MAML2: variants seen among roughly 807,000 people sequenced by gnomAD.
MAML2 encodes mastermind like transcriptional coactivator 2, also known as mastermind-like protein 2.
A neutral mutation model predicts 96.1 loss-of-function variants in MAML2; 22 were observed. The observed-to-expected ratio is 0.23, with a 90% CI of 0.16 to 0.33. The LOEUF (loss-of-function observed/expected upper bound fraction) is 0.33. Among genes scored for constraint, MAML2 ranks in the 10% least tolerant of loss-of-function variants. The pLI is 1.00. For synonymous variants in MAML2, 561 were observed against 521.3 expected (o/e 1.08, Z -1.04); for missense variants, 1,367 against 1,392.4 (o/e 0.98, Z 0.29).
chr11:96,096,970 G>C (rs1251428291), intron 1 of MAML2, among the ~76,000 whole-genome samples: 1 of 151,578 alleles, frequency 6.6e-6, no homozygotes, highest in Non-Finnish European at 1.5e-5. Context: ...TTGGGGATAG[G>C]CTGTGCCCTG....
chr11:96,158,623 T>G (rs772167332), intron 1 of MAML2, among the ~76,000 whole-genome samples: 1 of 152,202 alleles, frequency 6.6e-6, no homozygotes, highest in Non-Finnish European at 1.5e-5. Context: ...ATTGTTTAAT[T>G]TCACAGAGGA....
At chr11:96,293,055 T>G (rs1176685361) in intron 1 of MAML2, among the ~76,000 whole-genome samples, 3 of 152,232 alleles carry the variant, frequency 2.0e-5, no homozygotes, top group Non-Finnish European at 4.4e-5. Context: ...TCACATAGAC[T>G]ATGCTTGAAA....
chr11:95,979,028 A>T lies in MAML2; in HGVS notation c.3391T>A (p.Ser1131Thr), dbSNP rs773415316. 6.2e-7 allele frequency: 1 copy of T among 1,614,010 alleles called. No homozygotes were observed. Among genetic ancestry groups the T allele is most frequent in the South Asian group, 1.1e-5 (1 of 91,088 alleles). Residue 1131 changes from serine to threonine, a missense_variant, in exon 5 of 5, where the codon TCT (serine) becomes ACT (threonine). Physicochemically the swap from Ser to Thr is moderately conservative, Grantham distance 58. Transcript: ENST00000524717. Reference sequence around the variant, plus strand: ...TTACCAGGCTCTGTCTTCAATAAAGAATCAATGAAATCAGCATCACTGTTT... The same window carrying T: ...TTACCAGGCTCTGTCTTCAATAAAGTATCAATGAAATCAGCATCACTGTTT... ...ALNSDADFID[S>T]LLKTEPGNDD...
intron 3 of MAML2, among the ~76,000 whole-genome samples, chr11:95,986,202 TG>T (rs1857826180): frequency 6.6e-6 from 1 of 151,824 alleles, no homozygotes; most frequent in South Asian, 2.1e-4. Flanking sequence ...TATTTGTTTT[TG>T]TTTGTTTGTT....
At chr11:96,007,293 GAGCCACC>G (rs371607426) in intron 2 of MAML2, among the ~76,000 whole-genome samples, 35,667 of 151,578 alleles carry the variant, frequency 0.24, 4,489 homozygotes, top group East Asian at 0.38. Context: ...TTACAGGCGT[GAGCCACC>G]ATGCCCAGCT....
chr11:96,142,723 C>G (rs959913337), intron 1 of MAML2, among the ~76,000 whole-genome samples: 2 of 152,206 alleles, frequency 1.3e-5, no homozygotes, highest in African/African-American at 2.4e-5. Flanking sequence ...CAAAAGCAAC[C>G]TAAATGCAGC....
At chr11:96,328,495 A>G (rs1262364484) in intron 1 of MAML2, among the ~76,000 whole-genome samples, 1 of 152,012 alleles carries the variant, frequency 6.6e-6, no homozygotes, top group African/African-American at 2.4e-5. Context: ...TGAAAAAAAA[A>G]ATGCTCGGGC....
At chr11:96,150,559 T>C (rs993355567) in intron 1 of MAML2, among the ~76,000 whole-genome samples, 4 of 152,036 alleles carry the variant, frequency 2.6e-5, no homozygotes, top group African/African-American at 4.8e-5. Context: ...TCTGAGGAAA[T>C]TGCAAGTAGT....
intron 1 of MAML2, among the ~76,000 whole-genome samples, chr11:96,260,450 C>G (rs1367512802): frequency 1.3e-5 from 2 of 152,116 alleles, no homozygotes; most frequent in Non-Finnish European, 2.9e-5. Flanking sequence ...GTCTCTTGTT[C>G]TTGGAATGGA....
In MAML2 at chr11:95,979,469, C is replaced by G; in HGVS notation, c.2950G>C (p.Val984Leu). 1 of 1,613,530 alleles carries G rather than the reference C, an allele frequency of 6.2e-7. No individual in the cohort carries two copies. The highest frequency in any genetic ancestry group is 8.5e-7 in the Non-Finnish European group (1 of 1,179,746). The change falls in exon 5 of 5, where the codon GTC (valine) becomes CTC (leucine). Residue 984 changes from valine to leucine, a missense_variant. By Grantham distance (32) the Val-to-Leu change is conservative. Transcript: ENST00000524717. ...GCAGGTGTACCTGTGGGGAAGCGGACTCCTGCAGACGTCAGGGCTTCTTGC... is the reference window on the plus strand; with the variant it reads ...GCAGGTGTACCTGTGGGGAAGCGGAGTCCTGCAGACGTCAGGGCTTCTTGC... ...KQQEALTSAG[V>L]RFPTGTPAAY... is the part of the protein sequence containing the mutation.
chr11:96,284,564 C>T (rs1863113218), intron 1 of MAML2, among the ~76,000 whole-genome samples: 1 of 152,176 alleles, frequency 6.6e-6, no homozygotes, highest in South Asian at 2.1e-4. Flanking sequence ...GATTGCAATA[C>T]TGGGTTTTGA....
rs556072350 is a variant in MAML2 at position 96,236,601 on chromosome 11, G to A, written c.513+104782C>T. On this transcript the variant is annotated intron_variant, in intron 1 of 4. Coordinates refer to ENST00000524717, the MANE Select transcript of MAML2 (RefSeq NM_032427.4). ...GGAATTTAGAAAGCACCATGAATGCGTACTCACTTTAAAATGTTAGATTTT... is the reference window on the plus strand; with the variant it reads ...GGAATTTAGAAAGCACCATGAATGCATACTCACTTTAAAATGTTAGATTTT... Among the ~76,000 whole-genome samples the A allele has an allele frequency of 6.6e-5, 10 of 152,194 alleles. No homozygotes were observed. The South Asian group carries it at 1.0e-3, about 16-fold the overall frequency.
chr11:96,184,123 C>G (rs1861534753), intron 1 of MAML2, among the ~76,000 whole-genome samples: 1 of 152,162 alleles, frequency 6.6e-6, no homozygotes, highest in Admixed American at 6.5e-5. Context: ...TCAGGCCAAG[C>G]AAAGCCCTAA....
intron 1 of MAML2, among the ~76,000 whole-genome samples, chr11:96,213,698 A>G (rs1026215638): frequency 6.6e-6 from 1 of 152,208 alleles, no homozygotes; most frequent in Non-Finnish European, 1.5e-5. Context: ...GGACTCCAAA[A>G]GATACCAAGG....
chr11:96,159,538 G>T (rs953075883), intron 1 of MAML2, among the ~76,000 whole-genome samples: 1 of 146,706 alleles, frequency 6.8e-6, no homozygotes, highest in Admixed American at 7.0e-5. Context: ...CCACTCTCCC[G>T]CCTCAGCCTC....
intron 1 of MAML2, among the ~76,000 whole-genome samples, chr11:96,261,574 T>C (rs989614869): frequency 1.3e-5 from 2 of 152,228 alleles, no homozygotes; most frequent in African/African-American, 4.8e-5. Context: ...AGGTATCGTC[T>C]AATGGGGTTC....
At chr11:96,152,610 A>G (rs1342760559) in intron 1 of MAML2, among the ~76,000 whole-genome samples, 1 of 152,198 alleles carries the variant, frequency 6.6e-6, no homozygotes, top group Non-Finnish European at 1.5e-5. Flanking sequence ...AATTTGTTTC[A>G]GTCTCCTGAC....
chr11:96,184,322 C>T (rs993702067), intron 1 of MAML2, among the ~76,000 whole-genome samples: 17 of 152,010 alleles, frequency 1.1e-4, no homozygotes, highest in African/African-American at 2.2e-4. Context: ...TACCTGTAAT[C>T]CCAGCTACTC....
At chr11:96,113,098 G>GT (rs1200594280) in intron 1 of MAML2, among the ~76,000 whole-genome samples, 2 of 149,574 alleles carry the variant, frequency 1.3e-5, no homozygotes, top group Non-Finnish European at 3.0e-5. Flanking sequence ...AAAAAGGATA[G>GT]TTTTTCTAGA....
Sources: gnomAD v4.1 joint callset for allele counts (sites outside exome capture counted in the v4.1 genomes callset) on GRCh38, gnomAD v4.1.1 for gene constraint, MANE v1.5 for transcripts, NCBI Gene and HGNC (gene_info 2026-07-23, HGNC 2026-07-21) for gene names.